POLR3B: variants seen among roughly 807,000 people sequenced by gnomAD.
POLR3B encodes RNA polymerase III subunit B, also known as DNA-directed RNA polymerase III subunit RPC2.
In POLR3B, 96 loss-of-function variants were observed where a neutral mutation model predicts 147.4. The ratio of observed to expected loss-of-function variants is 0.65; its 90% CI spans 0.55 to 0.77. The LOEUF (loss-of-function observed/expected upper bound fraction) is 0.77. Ranked by LOEUF, POLR3B falls within the 30% of genes least tolerant of loss-of-function variation. POLR3B has a pLI of 0.00. For missense variants in POLR3B, 1,036 were observed against 1,413.5 expected, an observed-to-expected ratio of 0.73 and a Z score of 4.28; for synonymous variants, 461 against 485.9, an observed-to-expected ratio of 0.95 and a Z score of 0.67.
At chr12:106,434,787 T>C (rs1180266015) in intron 16 of POLR3B, among the ~76,000 whole-genome samples, 1 of 152,174 alleles carries the variant, frequency 6.6e-6, no homozygotes, top group Non-Finnish European at 1.5e-5. Flanking sequence ...TCCTCCAGCA[T>C]CCTTTCCTCC....
chr12:106,499,809 C>G (rs1405829206), intron 25 of POLR3B, among the ~76,000 whole-genome samples: 1 of 152,192 alleles, frequency 6.6e-6, no homozygotes, highest in Non-Finnish European at 1.5e-5. Flanking sequence ...CTGTGTCTTC[C>G]AAGAACCAGG....
At chr12:106,383,137 C>T (rs2036787538) in intron 9 of POLR3B, among the ~76,000 whole-genome samples, 1 of 152,188 alleles carries the variant, frequency 6.6e-6, no homozygotes, top group South Asian at 2.1e-4. Context: ...GCCTCTTCCT[C>T]ACCTCTCTCA....
intron 23 of POLR3B, among the ~76,000 whole-genome samples, chr12:106,490,370 T>G (rs1175354928): frequency 6.6e-6 from 1 of 152,240 alleles, no homozygotes; most frequent in East Asian, 1.9e-4. Context: ...ACTATGCAAA[T>G]TTATCACATC....
At chr12:106,493,772 G>C (rs1450852542) in intron 23 of POLR3B, among the ~76,000 whole-genome samples, 1 of 152,240 alleles carries the variant, frequency 6.6e-6, no homozygotes, top group Non-Finnish European at 1.5e-5. Context: ...AGAGCCCTCA[G>C]TTCTTTCTGC....
intron 1 of POLR3B, 94 bp downstream of exon 1, chr12:106,358,045 CG>C (rs991628950): frequency 6.4e-7 from 1 of 1,563,890 alleles, no homozygotes; most frequent in African/African-American, 1.3e-5. Context: ...GGCGGGCTGG[CG>C]GTTTGTGCGC....
intron 12 of POLR3B, among the ~76,000 whole-genome samples, chr12:106,423,279 A>C (rs1048063251): frequency 5.3e-5 from 8 of 152,324 alleles, no homozygotes; most frequent in African/African-American, 1.9e-4. Flanking sequence ...CAGATGTCAA[A>C]TCACATTCTG....
intron 4 of POLR3B, among the ~76,000 whole-genome samples, chr12:106,367,059 T>G (rs1438847338): frequency 1.3e-5 from 2 of 152,168 alleles, no homozygotes; most frequent in Non-Finnish European, 2.9e-5. Flanking sequence ...GCTGAGATTG[T>G]GCCACTGCAC....
intron 25 of POLR3B, among the ~76,000 whole-genome samples, 165 bp downstream of exon 25, chr12:106,497,083 C>A (rs560419731): frequency 6.7e-6 from 1 of 148,708 alleles, no homozygotes; most frequent in Non-Finnish European, 1.5e-5. Context: ...GACACAAATT[C>A]GTAAACTTTT....
Position 106,366,652 on chromosome 12 carries a change from C to T in POLR3B, c.163-6C>T. ...GTCTTTGCTAATGTTGCATTTTCCA[C>T]TGCAGATAAAGAAGATAATGAAAGC... is the stretch of plus-strand genomic sequence containing the variant. On this transcript the variant is annotated splice_polypyrimidine_tract_variant and splice_region_variant and intron_variant, in intron 3 of 27. Coordinates refer to ENST00000228347, the MANE Select transcript of POLR3B (RefSeq NM_018082.6). The T allele has an allele frequency of 6.2e-7, 1 of 1,612,688 alleles. No homozygotes were observed. Among genetic ancestry groups the T allele is most frequent in the Non-Finnish European group, 8.5e-7 (1 of 1,178,718 alleles).
At chr12:106,393,001 C>T in intron 9 of POLR3B, 30 bp from the exon 10 acceptor site, 1 of 1,613,786 alleles carries the variant, frequency 6.2e-7, no homozygotes, top group South Asian at 1.1e-5. Flanking sequence ...ACAAAGCCAA[C>T]ACTCTTTCTA....
At chr12:106,369,873 C>G (rs932040443) in intron 6 of POLR3B, among the ~76,000 whole-genome samples, 190 bp downstream of exon 6, 6 of 152,026 alleles carry the variant, frequency 3.9e-5, no homozygotes, top group African/African-American at 1.2e-4. Flanking sequence ...ATTGTGAAAC[C>G]TTTTCTAAGA....
In POLR3B at chr12:106,473,033, T is replaced by C. The variant is rs1417389630; in HGVS notation, c.2713+9413T>C. 4.4e-5 allele frequency among the ~76,000 whole-genome samples: 4 copies of C among 91,398 alleles called. No homozygotes were observed. The East Asian group carries it at 1.1e-3, about 24-fold the overall frequency. 60.0% of individuals were successfully genotyped at this position (91,398 alleles called of 152,430 possible). A position where few individuals can be genotyped will look rare whatever the true frequency, so the allele number is the denominator to read the frequency against. Reference sequence around the variant, plus strand: ...AAATCTTTAATCCATCTTGAATTGATTTTTGTATAAGGTGTAAGGAAGGGA... The same window carrying C: ...AAATCTTTAATCCATCTTGAATTGACTTTTGTATAAGGTGTAAGGAAGGGA... On this transcript the variant is annotated intron_variant, in intron 23 of 27. Transcript: ENST00000228347.
intron 12 of POLR3B, among the ~76,000 whole-genome samples, chr12:106,411,425 A>C (rs1388630263): frequency 6.6e-6 from 1 of 152,260 alleles, no homozygotes; most frequent in Non-Finnish European, 1.5e-5. Context: ...GGCGTGAGCC[A>C]CCATGCCCAG....
intron 19 of POLR3B, 148 bp downstream of exon 19, chr12:106,444,738 T>A: frequency 2.5e-6 from 2 of 806,946 alleles, no homozygotes; most frequent in Non-Finnish European, 4.1e-6. Flanking sequence ...GGGAGTTGCC[T>A]ATGGAACTCT....
intron 23 of POLR3B, among the ~76,000 whole-genome samples, chr12:106,489,470 T>C (rs2038381562): frequency 6.6e-6 from 1 of 152,224 alleles, no homozygotes; most frequent in African/African-American, 2.4e-5. Context: ...CACTAATAAG[T>C]TATTCAATAA....
Position 106,504,155 on chromosome 12 carries a change from A to G in POLR3B, c.3173A>G (p.Tyr1058Cys), listed in dbSNP as rs751459271. The stretch of plus-strand genomic sequence containing the variant: ...ATGGAACGTGACTGTTTAATCGGTT[A>G]TGGAGCCAGTATGCTTTTGCTAGAG... Reference protein sequence around the residue: ...GEMERDCLIGYGASMLLLERL... With the variant: ...GEMERDCLIGCGASMLLLERL... Residue 1058 changes from tyrosine (Y) to cysteine (C), a missense_variant, in exon 27 of 28, where the codon TAT becomes TGT. By Grantham distance (194) the Tyr-to-Cys change is radical. Coordinates refer to ENST00000228347, the MANE Select transcript of POLR3B (RefSeq NM_018082.6). This position sits in a 1 kb window ranked among gnomAD's most constrained non-coding sequence, Gnocchi z 4.6. The G allele has an allele frequency of 6.8e-6, 11 of 1,614,046 alleles. No homozygotes were observed. The Admixed American group carries it at 1.7e-4, about 24-fold the overall frequency.
chr12:106,410,535 G>T, intron 11 of POLR3B: 1 of 409,006 alleles, frequency 2.4e-6, no homozygotes, highest in Non-Finnish European at 4.6e-6. Flanking sequence ...AATCCCAAGG[G>T]AGTGATAGAT....
In POLR3B at chr12:106,363,997, A is replaced by G. The variant is rs991414901; in HGVS notation, c.105+95A>G. 23 of 913,748 alleles carry G rather than the reference A, an allele frequency of 2.5e-5. 1 individual carries two copies. Among genetic ancestry groups the G allele is most frequent in the Non-Finnish European group, 3.7e-5 (21 of 569,790 alleles). The allele number at this position is 913,748 out of a possible 1,614,324, so 56.6% of individuals were successfully genotyped here. ...TAAAGATTAAATTTTTGTCATCAAC[A>G]TTTTTTGATTTTGTATAGCTGTGTT... On this transcript the variant is annotated intron_variant, in intron 2 of 27. Coordinates refer to ENST00000228347, the MANE Select transcript of POLR3B (RefSeq NM_018082.6).
Position 106,357,927 on chromosome 12 carries a change from G to A in POLR3B, c.48G>A (p.Leu16=). 1 of 1,613,350 alleles carries A rather than the reference G, an allele frequency of 6.2e-7. No individual in the cohort carries two copies. Among genetic ancestry groups the A allele is most frequent in the Middle Eastern group, 1.8e-4 (1 of 5,562 alleles). The change falls in exon 1 of 28, where the codon CTG becomes CTA. Residue 16 remains leucine (L), a synonymous_variant. Transcript: ENST00000228347. ...TTGGGAACCTGACTCCGGAGCAGCTGGCGGCGCCGATCCCGACTGTAGAGG... is the reference window on the plus strand; with the variant it reads ...TTGGGAACCTGACTCCGGAGCAGCTAGCGGCGCCGATCCCGACTGTAGAGG... ...EEFGNLTPEQ[L]AAPIPTVEEK...
Sources: gnomAD v4.1 joint callset for allele counts (sites outside exome capture counted in the v4.1 genomes callset) on GRCh38, gnomAD v4.1.1 for gene constraint, Gnocchi (gnomAD v3.1) non-coding constraint, MANE v1.5 for transcripts, NCBI Gene and HGNC (gene_info 2026-07-23, HGNC 2026-07-21) for gene names.